Variants in BDKRB2 observed in about 807,000 individuals in gnomAD.
BDKRB2 encodes the protein B2 bradykinin receptor.
Under a neutral mutation model 4.0 loss-of-function variants are expected in BDKRB2, and 6 were observed. That is an observed-to-expected ratio of 1.49 (90% CI 0.81 to 2.93). The LOEUF is 2.93. Ranked by LOEUF, BDKRB2 falls within the 30% of genes most tolerant of loss-of-function variation. BDKRB2 has a pLI of 0.00. For synonymous variants in BDKRB2, 225 were observed against 215.3 expected (o/e 1.05, Z -0.40); for missense variants, 478 against 520.1 (o/e 0.92, Z 0.79).
At chr14:96,238,577 A>G in intron 2 of BDKRB2, 1 of 985,576 alleles carries the variant, frequency 1.0e-6, no homozygotes. Context: ...GACCACGCTT[A>G]CTCCCTCACT....
intron 1 of BDKRB2, among the ~76,000 whole-genome samples, chr14:96,219,710 A>G (rs1199351867): frequency 6.6e-6 from 1 of 152,082 alleles, no homozygotes; most frequent in Admixed American, 6.5e-5. Context: ...GGCCAGGCCC[A>G]GTGCTAAGAG....
intron 1 of BDKRB2, among the ~76,000 whole-genome samples, chr14:96,209,858 C>T (rs61211508): frequency 1.3e-5 from 2 of 151,992 alleles, no homozygotes; most frequent in Admixed American, 1.3e-4. Flanking sequence ...TAGCCAGGCA[C>T]GGTGGTGCAT....
At chr14:96,206,082 G>T (rs539472939) in intron 1 of BDKRB2, among the ~76,000 whole-genome samples, 1 of 152,336 alleles carries the variant, frequency 6.6e-6, no homozygotes, top group South Asian at 2.1e-4. Context: ...AGAGGACATT[G>T]CAAAGAGGCC....
intron 1 of BDKRB2, among the ~76,000 whole-genome samples, chr14:96,208,468 A>G (rs1258292648): frequency 1.3e-5 from 2 of 152,268 alleles, no homozygotes; most frequent in Non-Finnish European, 2.9e-5. Context: ...TCTGAGCCTC[A>G]GTTTCTTCTC....
At chr14:96,213,293 A>G (rs1054901925) in intron 1 of BDKRB2, among the ~76,000 whole-genome samples, 1 of 152,130 alleles carries the variant, frequency 6.6e-6, no homozygotes, top group Non-Finnish European at 1.5e-5. Context: ...TTTCCCCACA[A>G]GGAGCTGAGA....
At chr14:96,231,491 C>G (rs1227864499) in intron 1 of BDKRB2, among the ~76,000 whole-genome samples, 3 of 152,158 alleles carry the variant, frequency 2.0e-5, no homozygotes, top group Non-Finnish European at 1.5e-5. Context: ...GGCGCCATCA[C>G]CCCCTTCCGC....
chr14:96,227,378 G>A (rs1040342937), intron 1 of BDKRB2, among the ~76,000 whole-genome samples: 2 of 152,210 alleles, frequency 1.3e-5, no homozygotes, highest in African/African-American at 4.8e-5. Context: ...GCCCTGAGGA[G>A]TTAAGCCACT....
chr14:96,238,752 C>T (rs1435865125), intron 2 of BDKRB2: 2 of 985,592 alleles, frequency 2.0e-6, no homozygotes, highest in Admixed American at 6.1e-5. Flanking sequence ...CTTCAAGACC[C>T]AGCTCTAGAG....
intron 1 of BDKRB2, among the ~76,000 whole-genome samples, chr14:96,218,850 C>T (rs1217400693): frequency 1.3e-5 from 2 of 151,818 alleles, no homozygotes; most frequent in Non-Finnish European, 2.9e-5. Context: ...ACCCAGGGGA[C>T]GGAGGTTGCA....
chr14:96,205,266 T>G (rs1483558064), intron 1 of BDKRB2, among the ~76,000 whole-genome samples: 1 of 152,040 alleles, frequency 6.6e-6, no homozygotes, highest in Admixed American at 6.6e-5. Flanking sequence ...ATACTTTGAG[T>G]GGACACCTTG....
intron 1 of BDKRB2, among the ~76,000 whole-genome samples, chr14:96,211,714 A>C (rs1004398751): frequency 2.0e-5 from 3 of 152,116 alleles, no homozygotes; most frequent in African/African-American, 7.2e-5. Flanking sequence ...ACAGGGATTG[A>C]ATCCCACCCC....
chr14:96,237,244 C>G, intron 2 of BDKRB2, 63 bp downstream of exon 2: 1 of 1,443,526 alleles, frequency 6.9e-7, no homozygotes, highest in South Asian at 1.2e-5. Context: ...CTGGAGAACT[C>G]CCTGGAAAGC....
At position 96,230,377 on chromosome 14, in the gene BDKRB2, T is replaced by C. The variant is rs185137807; in HGVS notation, c.-39-6692T>C. On this transcript the variant is annotated intron_variant, in intron 1 of 2. Transcript: ENST00000554311. ...AGATTTTCCCATTAGTTTTAAATGC[T>C]CTTTCATGTAGTTATTCTTTTATTT... is the stretch of plus-strand genomic sequence containing the variant. Among the ~76,000 whole-genome samples, 53 of 152,252 alleles carry C rather than the reference T, an allele frequency of 3.5e-4. 1 individual carries two copies. In the South Asian group the frequency reaches 8.5e-3, roughly 24 times the overall value.
intron 1 of BDKRB2, chr14:96,211,250 T>A (rs959985168): frequency 6.6e-6 from 1 of 152,036 alleles, no homozygotes; most frequent in Admixed American, 6.6e-5. Flanking sequence ...GCTCTAAGAG[T>A]GCAGGGGTCA....
chr14:96,224,460 AAAC>A, intron 1 of BDKRB2, among the ~76,000 whole-genome samples: 1 of 152,320 alleles, frequency 6.6e-6, no homozygotes, highest in South Asian at 2.1e-4. Flanking sequence ...AAAAATATGG[AAAC>A]AATATAAATG....
intron 1 of BDKRB2, among the ~76,000 whole-genome samples, chr14:96,230,654 G>A (rs1381849956): frequency 2.1e-5 from 3 of 145,462 alleles, no homozygotes; most frequent in Admixed American, 6.9e-5. Flanking sequence ...GTCTCGCTCC[G>A]TCACCTAGGT....
At position 96,241,315 on chromosome 14, in the gene BDKRB2, A is replaced by T; in HGVS notation, c.987A>T (p.Pro329=). The T allele has an allele frequency of 6.2e-7, 1 of 1,613,952 alleles. No homozygotes were observed. The change falls in exon 3 of 3, where the codon CCA becomes CCT. Residue 329 remains proline, a synonymous_variant. Coordinates refer to ENST00000554311, the MANE Select transcript of BDKRB2 (RefSeq NM_001379692.1). ...CCTACAGCAACAGCTGCCTCAACCCACTGGTGTACGTGATCGTGGGCAAGC... is the reference window on the plus strand; with the variant it reads ...CCTACAGCAACAGCTGCCTCAACCCTCTGGTGTACGTGATCGTGGGCAAGC... ...FMAYSNSCLN[P]LVYVIVGKRF...
At chr14:96,218,388 C>T (rs1414521021) in intron 1 of BDKRB2, among the ~76,000 whole-genome samples, 1 of 152,174 alleles carries the variant, frequency 6.6e-6, no homozygotes, top group Non-Finnish European at 1.5e-5. Context: ...ACATCCCCAT[C>T]CACTTCATAG....
chr14:96,238,062 GA>G, intron 2 of BDKRB2: 1 of 1,075,844 alleles, frequency 9.3e-7, no homozygotes, highest in Non-Finnish European at 1.1e-6. Context: ...GAGGACTCTG[GA>G]AAGGAGGCTG....
Sources: gnomAD v4.1 joint callset for allele counts (sites outside exome capture counted in the v4.1 genomes callset) on GRCh38, gnomAD v4.1.1 for gene constraint, MANE v1.5 for transcripts, NCBI Gene and HGNC (gene_info 2026-07-23, HGNC 2026-07-21) for gene names.